Variants in UNC79 observed in about 807,000 individuals in gnomAD.
The protein encoded by UNC79 is unc-79 subunit of NALCN channel complex, also known as protein unc-79 homolog.
Under a neutral mutation model 283.1 loss-of-function variants are expected in UNC79, and 37 were observed. The ratio of observed to expected loss-of-function variants is 0.13; its 90% confidence interval spans 0.10 to 0.17. The LOEUF (loss-of-function observed/expected upper bound fraction) is 0.17. UNC79 is among the 10% of genes least tolerant of loss of function. The pLI is 1.00. For synonymous variants in UNC79, 1,107 were observed against 1,200.2 expected (o/e 0.92, Z 1.61); for missense variants, 2,272 against 3,211.1 (o/e 0.71, Z 7.07).
At chr14:93,569,072 A>C (rs531147766) in intron 14 of UNC79, among the ~76,000 whole-genome samples, 3 of 152,244 alleles carry the variant, frequency 2.0e-5, no homozygotes, top group Non-Finnish European at 4.4e-5. Context: ...GCAGTACTAC[A>C]AGTAAAAGTG....
rs555480857 is a variant in UNC79 at position 93,403,035 on chromosome 14, G to A, written c.-350-64636G>A. On this transcript the variant is annotated intron_variant, in intron 1 of 49. Transcript: ENST00000256339. Reference sequence around the variant, plus strand: ...AAGTCACGACAACTCAAAATGGCAGGTGGGAGTGGGGCTTCCAGGTCATAA... The same window carrying A: ...AAGTCACGACAACTCAAAATGGCAGATGGGAGTGGGGCTTCCAGGTCATAA... 2.0e-5 allele frequency among the ~76,000 whole-genome samples: 3 copies of A among 152,294 alleles called. No individual in the cohort carries two copies. In the South Asian group the frequency reaches 6.2e-4, roughly 32 times the overall value.
chr14:93,603,499 A>C, intron 26 of UNC79, 81 bp downstream of exon 26: 1 of 1,477,968 alleles, frequency 6.8e-7, no homozygotes, highest in Non-Finnish European at 9.1e-7. Flanking sequence ...ATGTTCACAG[A>C]GAGTATAGCA....
At position 93,621,496 on chromosome 14, in the gene UNC79, C is replaced by A; in HGVS notation, c.4388-125C>A. On this transcript the variant is annotated intron_variant, in intron 29 of 48. Coordinates refer to ENST00000555664, the Ensembl canonical transcript of UNC79. The surrounding 1 kb of genome is among the most constrained non-coding windows in gnomAD (Gnocchi z 4.8). ...CTTACAAAAACTTGGCCAGAAAGTT[C>A]GTTTTCCCTCCTGGTGGAGCTGGGA... The A allele has an allele frequency of 8.2e-7, 1 of 1,225,892 alleles. No homozygotes were observed. Among genetic ancestry groups the A allele is most frequent in the South Asian group, 2.3e-5 (1 of 43,022 alleles). 75.9% of individuals were successfully genotyped at this position (1,225,892 alleles called of 1,614,324 possible). A position where few individuals can be genotyped will look rare whatever the true frequency, so the allele number is the denominator to read the frequency against.
chr14:93,562,423 GA>G (rs2062618044), intron 14 of UNC79, among the ~76,000 whole-genome samples: 1 of 152,334 alleles, frequency 6.6e-6, no homozygotes, highest in South Asian at 2.1e-4. Context: ...GGCTGAGCAA[GA>G]AAGTGCGTCC....
At chr14:93,389,683 A>G (rs1355560218) in intron 1 of UNC79, among the ~76,000 whole-genome samples, 1 of 149,076 alleles carries the variant, frequency 6.7e-6, no homozygotes, top group Non-Finnish European at 1.5e-5. Context: ...ATGGAGTCTC[A>G]CTCTGCCGCC....
intron 17 of UNC79, among the ~76,000 whole-genome samples, chr14:93,577,363 A>G (rs1300650949): frequency 6.6e-6 from 1 of 152,182 alleles, no homozygotes; most frequent in Non-Finnish European, 1.5e-5. Flanking sequence ...ACAAATGGAG[A>G]ATAACCAGTA....
chr14:93,542,728 A>G (rs2061431621), intron 14 of UNC79, 32 bp downstream of exon 14: 4 of 1,610,226 alleles, frequency 2.5e-6, no homozygotes, highest in Non-Finnish European at 3.4e-6. Flanking sequence ...ACACCTTGTT[A>G]GAGAGGAGGA....
At chr14:93,542,814 A>G in intron 14 of UNC79, 118 bp downstream of exon 14, 2 of 905,222 alleles carry the variant, frequency 2.2e-6, no homozygotes, top group Non-Finnish European at 3.5e-6. Flanking sequence ...CCTTATTTTA[A>G]TTAATATAGC....
At chr14:93,433,283 G>A (rs1017267328) in intron 1 of UNC79, among the ~76,000 whole-genome samples, 2 of 152,136 alleles carry the variant, frequency 1.3e-5, no homozygotes, top group African/African-American at 4.8e-5. Flanking sequence ...GGATGCTATG[G>A]ATGTTTTTAG....
At chr14:93,560,971 G>A (rs919644905) in intron 14 of UNC79, among the ~76,000 whole-genome samples, 19 of 152,250 alleles carry the variant, frequency 1.2e-4, no homozygotes, top group Admixed American at 5.9e-4. Context: ...GTTATTTATG[G>A]GGCTGGGTAT....
intron 38 of UNC79, among the ~76,000 whole-genome samples, chr14:93,658,208 T>A (rs770203248): frequency 2.6e-5 from 4 of 152,194 alleles, no homozygotes; most frequent in Admixed American, 1.3e-4. Flanking sequence ...GGGAAAATAA[T>A]AAGCCACTGA....
intron 1 of UNC79, among the ~76,000 whole-genome samples, chr14:93,395,335 A>T (rs2054972152): frequency 6.6e-6 from 1 of 152,240 alleles, no homozygotes; most frequent in African/African-American, 2.4e-5. Flanking sequence ...TGAAGAAAAG[A>T]AGTTTAATTG....
At position 93,690,255 on chromosome 14, in the gene UNC79, T is replaced by G. The variant is rs2074580046; in HGVS notation, c.7224T>G (p.Val2408=). The change falls in exon 45 of 49, where the codon GTT becomes GTG. Residue 2408 remains valine, a synonymous_variant. Coordinates refer to ENST00000555664, the Ensembl canonical transcript of UNC79. The surrounding 1 kb of genome is among the most constrained non-coding windows in gnomAD (Gnocchi z 4.3). ...TTCCTCTGGATGCAGGCTCCCACGT[T>G]GCAGACCATCTTATTGTTATCCTGA... 6.2e-7 allele frequency: 1 copy of G among 1,614,062 alleles called. No individual in the cohort carries two copies. Among genetic ancestry groups the G allele is most frequent in the African/African-American group, 1.3e-5 (1 of 74,920 alleles).
intron 1 of UNC79, among the ~76,000 whole-genome samples, chr14:93,404,493 A>AAAAAAAAAAAATATATATATAT: frequency 3.6e-4 from 22 of 61,496 alleles, no homozygotes; most frequent in East Asian, 3.3e-3. Flanking sequence ...TTCTAAAAAA[A>AAAAAAAAAAAATATATATATAT]ATATATATAT....
At chr14:93,577,541 A>G (rs1222417296) in intron 17 of UNC79, among the ~76,000 whole-genome samples, 1 of 152,212 alleles carries the variant, frequency 6.6e-6, no homozygotes. Flanking sequence ...TACAATTTTC[A>G]GTAGACTCAA....
chr14:93,372,941 A>C (rs187163860), intron 1 of UNC79, among the ~76,000 whole-genome samples: 317 of 152,350 alleles, frequency 2.1e-3, no homozygotes, highest in African/African-American at 7.3e-3. Flanking sequence ...AACAAGTTCA[A>C]AAGGATAGAA....
At chr14:93,489,582 A>G (rs1047330116) in intron 5 of UNC79, among the ~76,000 whole-genome samples, 1 of 152,216 alleles carries the variant, frequency 6.6e-6, no homozygotes, top group Non-Finnish European at 1.5e-5. Flanking sequence ...CTAAAACCCA[A>G]CTACATTATA....
intron 5 of UNC79, among the ~76,000 whole-genome samples, chr14:93,488,573 T>C (rs1304403279): frequency 1.3e-5 from 2 of 152,256 alleles, no homozygotes; most frequent in Non-Finnish European, 2.9e-5. Flanking sequence ...GAAAAATTTT[T>C]TATTTCAAAA....
At chr14:93,398,920 C>T (rs1458836591) in intron 1 of UNC79, among the ~76,000 whole-genome samples, 3 of 151,980 alleles carry the variant, frequency 2.0e-5, no homozygotes, top group Non-Finnish European at 4.4e-5. Flanking sequence ...GTGTATTAGT[C>T]CATTCTCATG....
Sources: allele counts gnomAD v4.1 joint callset (sites outside exome capture counted in the v4.1 genomes callset), GRCh38; gene constraint gnomAD v4.1.1; non-coding constraint Gnocchi (gnomAD v3.1); transcripts MANE v1.5; gene names NCBI Gene and HGNC (gene_info 2026-07-23, HGNC 2026-07-21).